The following MSRA variants were observed in gnomAD, a reference collection of about 807,000 sequenced individuals.
The protein encoded by MSRA is mitochondrial peptide methionine sulfoxide reductase.
A neutral mutation model predicts 31.3 loss-of-function variants in MSRA; 54 were observed. That is an observed-to-expected ratio of 1.73 (90% CI 1.39 to 2.17). MSRA has a LOEUF of 2.17. Among genes scored for constraint, MSRA ranks in the 30% most tolerant of loss-of-function variants. The pLI is 0.00. For missense variants in MSRA, 507 were observed against 300.9 expected (o/e 1.69, Z -5.07); for synonymous variants, 169 against 116.5 (o/e 1.45, Z -2.90).
intron 2 of MSRA, among the ~76,000 whole-genome samples, chr8:10,210,365 A>G (rs937622362): frequency 6.6e-6 from 1 of 152,222 alleles, no homozygotes; most frequent in South Asian, 2.1e-4. Context: ...CACTGGTTCA[A>G]GGAACCATGG....
chr8:10,328,341 C>G (rs1478299533), intron 5 of MSRA, among the ~76,000 whole-genome samples: 2 of 150,022 alleles, frequency 1.3e-5, no homozygotes, highest in African/African-American at 2.5e-5. Context: ...CTGCCTCATG[C>G]CTTTCCCTCG....
intron 3 of MSRA, among the ~76,000 whole-genome samples, chr8:10,292,442 A>G (rs966949433): frequency 6.6e-6 from 1 of 152,234 alleles, no homozygotes; most frequent in African/African-American, 2.4e-5. Context: ...CCCAAGTAGA[A>G]TAAGATGGGG....
intron 3 of MSRA, chr8:10,250,303 A>G (rs1797848608): frequency 3.2e-6 from 2 of 618,482 alleles, no homozygotes; most frequent in South Asian, 3.9e-5. Context: ...ACATTCTGCA[A>G]TGGATAAGCA....
chr8:10,349,130 T>A (rs1585549108), intron 5 of MSRA, among the ~76,000 whole-genome samples: 1 of 152,382 alleles, frequency 6.6e-6, no homozygotes, highest in African/African-American at 2.4e-5. Context: ...TTATACATGA[T>A]AATCATAAAT....
chr8:10,195,315 A>T (rs539954526), intron 1 of MSRA, among the ~76,000 whole-genome samples: 1 of 152,328 alleles, frequency 6.6e-6, no homozygotes, highest in Admixed American at 6.5e-5. Flanking sequence ...ATCTCGGCTC[A>T]TTGCAATCTC....
At chr8:10,264,087 G>A (rs942511591) in intron 3 of MSRA, among the ~76,000 whole-genome samples, 7 of 152,142 alleles carry the variant, frequency 4.6e-5, no homozygotes, top group Non-Finnish European at 1.0e-4. Flanking sequence ...AACAGAGGAA[G>A]CAGAGCCTTC....
intron 1 of MSRA, among the ~76,000 whole-genome samples, chr8:10,142,308 A>G (rs1363464887): frequency 4.7e-4 from 72 of 152,224 alleles, no homozygotes; most frequent in African/African-American, 1.6e-3. Context: ...TAGGCCAACG[A>G]GGTAGGTAAT....
intron 5 of MSRA, among the ~76,000 whole-genome samples, chr8:10,323,788 G>T (rs948526794): frequency 3.4e-5 from 5 of 146,800 alleles, no homozygotes; most frequent in African/African-American, 1.3e-4. Flanking sequence ...GTGTCTGTCT[G>T]TCTGCATGTC....
intron 1 of MSRA, among the ~76,000 whole-genome samples, chr8:10,170,349 C>T (rs545217804): frequency 6.6e-6 from 1 of 152,122 alleles, no homozygotes; most frequent in South Asian, 2.1e-4. Context: ...AAGAAAGGCC[C>T]CAGAGAGCTG....
chr8:10,078,427 C>T (rs934922207), intron 1 of MSRA, among the ~76,000 whole-genome samples: 9 of 152,196 alleles, frequency 5.9e-5, no homozygotes, highest in South Asian at 2.1e-4. Context: ...GGACCCTTGG[C>T]GCAGCCCCGT....
chr8:10,292,108 C>T (rs1800268317), intron 3 of MSRA, among the ~76,000 whole-genome samples: 5 of 152,160 alleles, frequency 3.3e-5, no homozygotes, highest in Admixed American at 2.0e-4. Flanking sequence ...TGCATAGTAG[C>T]CACATCCACT....
intron 1 of MSRA, chr8:10,095,454 C>G (rs546058806): frequency 8.1e-6 from 8 of 984,916 alleles, no homozygotes; most frequent in Non-Finnish European, 7.2e-6. Context: ...ATTAATTGAT[C>G]CGCAAAGGAC....
chr8:10,321,248 G>T (rs1485128914), intron 5 of MSRA, among the ~76,000 whole-genome samples: 3 of 152,082 alleles, frequency 2.0e-5, no homozygotes, highest in Admixed American at 2.0e-4. Context: ...ATGTGGATTT[G>T]CATTTGACAG....
intron 5 of MSRA, among the ~76,000 whole-genome samples, chr8:10,326,780 T>A (rs1419696517): frequency 2.0e-5 from 3 of 152,208 alleles, no homozygotes; most frequent in Admixed American, 2.0e-4. Flanking sequence ...TTATTGTTTT[T>A]GGATTGTCAA....
chr8:10,198,465 A>T (rs926444176), intron 1 of MSRA, among the ~76,000 whole-genome samples: 2 of 152,090 alleles, frequency 1.3e-5, no homozygotes, highest in Non-Finnish European at 2.9e-5. Flanking sequence ...TTTATTCTCC[A>T]TGTGTGGGGT....
intron 4 of MSRA, among the ~76,000 whole-genome samples, chr8:10,313,580 A>T (rs1215113773): frequency 6.6e-6 from 1 of 152,200 alleles, no homozygotes; most frequent in Non-Finnish European, 1.5e-5. Context: ...AAACACACCA[A>T]TTCTCTCCAA....
chr8:10,380,114 A>G (rs750821661), intron 5 of MSRA, among the ~76,000 whole-genome samples: 2 of 152,194 alleles, frequency 1.3e-5, no homozygotes, highest in Non-Finnish European at 2.9e-5. Flanking sequence ...TTTGTCTACT[A>G]TACATCTCCT....
chr8:10,099,875 C>G (rs1799419784), intron 1 of MSRA, among the ~76,000 whole-genome samples: 1 of 152,166 alleles, frequency 6.6e-6, no homozygotes. Flanking sequence ...CCTCATTTTC[C>G]CAAAGCATCC....
chr8:10,401,053 A>G (rs977666614), intron 5 of MSRA, among the ~76,000 whole-genome samples: 2 of 151,860 alleles, frequency 1.3e-5, no homozygotes, highest in African/African-American at 2.4e-5. Flanking sequence ...AAGAAATTGG[A>G]TTTCATCAAA....
Sources: allele counts gnomAD v4.1 joint callset (sites outside exome capture counted in the v4.1 genomes callset), GRCh38; gene constraint gnomAD v4.1.1; transcripts MANE v1.5; gene names NCBI Gene and HGNC (gene_info 2026-07-23, HGNC 2026-07-21).